GATAD2A: variants seen among roughly 807,000 people sequenced by gnomAD.
The protein encoded by GATAD2A is GATA zinc finger domain containing 2A.
A neutral mutation model predicts 68.5 loss-of-function variants in GATAD2A; 12 were observed. That is an observed-to-expected ratio of 0.18 (90% confidence interval 0.11 to 0.28). The LOEUF (loss-of-function observed/expected upper bound fraction) is 0.28, where lower values mean the gene tolerates loss of function less well. Ranked by LOEUF, GATAD2A falls within the 10% of genes least tolerant of loss-of-function variation. The pLI is 1.00. For missense variants in GATAD2A, 755 were observed against 868.5 expected (o/e 0.87, Z 1.64); for synonymous variants, 410 against 375.3 (o/e 1.09, Z -1.07).
chr19:19,434,460 CT>C (rs1279258388), intron 1 of GATAD2A, among the ~76,000 whole-genome samples: 1 of 152,184 alleles, frequency 6.6e-6, no homozygotes, highest in African/African-American at 2.4e-5. Context: ...GTGTTGTCCC[CT>C]ATCCTTATTT....
At chr19:19,455,305 C>A (rs1007359682) in intron 1 of GATAD2A, among the ~76,000 whole-genome samples, 3 of 151,992 alleles carry the variant, frequency 2.0e-5, no homozygotes, top group African/African-American at 7.3e-5. Context: ...GCCTGGGCAA[C>A]ACAGTGAAAC....
intron 2 of GATAD2A, among the ~76,000 whole-genome samples, chr19:19,471,017 A>G (rs2058264557): frequency 6.6e-6 from 1 of 152,178 alleles, no homozygotes; most frequent in South Asian, 2.1e-4. Context: ...GCACATTGGG[A>G]GGCCGAGGCA....
At chr19:19,442,759 A>AC (rs1400930725) in intron 1 of GATAD2A, among the ~76,000 whole-genome samples, 7 of 136,210 alleles carry the variant, frequency 5.1e-5, no homozygotes, top group East Asian at 4.2e-4. Context: ...ATGTAGCAGG[A>AC]CCCCCCAAGC....
In GATAD2A at chr19:19,494,300, G is replaced by A; in HGVS notation, c.541G>A (p.Gly181Ser). 6.2e-7 allele frequency: 1 copy of A among 1,605,912 alleles called. No homozygotes were observed. Among genetic ancestry groups the A allele is most frequent in the Non-Finnish European group, 8.5e-7 (1 of 1,172,848 alleles). ...QKEATAQKPT[G>S]SVGSTVTTPP... ...GTGTCCTGCTCTCTTGCAGCCCACA[G>A]GTTCTGTTGGGAGCACCGTGACCAC... The change falls in exon 5 of 12, where the codon GGT becomes AGT. Residue 181 changes from glycine (G) to serine (S), a missense_variant. Coordinates refer to ENST00000683918, the MANE Select transcript of GATAD2A (RefSeq NM_001384528.1).
At chr19:19,474,094 C>A in intron 2 of GATAD2A, 2 of 985,162 alleles carry the variant, frequency 2.0e-6, no homozygotes. Flanking sequence ...TGTTCTGTGC[C>A]AAAATGGGGC....
chr19:19,462,534 C>T (rs972753522), intron 1 of GATAD2A, among the ~76,000 whole-genome samples: 2 of 152,252 alleles, frequency 1.3e-5, no homozygotes. Flanking sequence ...CAGTGCCGGG[C>T]CTGGGATTGG....
At chr19:19,496,816 G>A (rs2148445248) in intron 7 of GATAD2A, among the ~76,000 whole-genome samples, 1 of 152,334 alleles carries the variant, frequency 6.6e-6, no homozygotes. Context: ...AGGCGCCTTG[G>A]CTGACAGATA....
intron 1 of GATAD2A, among the ~76,000 whole-genome samples, chr19:19,433,623 A>G (rs995003750): frequency 6.6e-6 from 1 of 152,336 alleles, no homozygotes; most frequent in African/African-American, 2.4e-5. Context: ...ATTTTACACA[A>G]GTGAGGCTAT....
At chr19:19,429,943 C>T (rs1253882444) in intron 1 of GATAD2A, among the ~76,000 whole-genome samples, 1 of 152,092 alleles carries the variant, frequency 6.6e-6, no homozygotes, top group Non-Finnish European at 1.5e-5. Context: ...CCGACCTGAA[C>T]ACCTCCTCAA....
intron 10 of GATAD2A, 73 bp downstream of exon 10, chr19:19,502,116 C>T (rs1008448294): frequency 4.5e-6 from 5 of 1,112,050 alleles, no homozygotes; most frequent in African/African-American, 1.5e-5. Context: ...CGCCGACTGT[C>T]ACGCTGCCTC....
At chr19:19,503,839 T>C (rs1023981059) in intron 11 of GATAD2A, among the ~76,000 whole-genome samples, 1 of 152,166 alleles carries the variant, frequency 6.6e-6, no homozygotes, top group African/African-American at 2.4e-5. Flanking sequence ...GTGCTGCCCT[T>C]GCACACAGGG....
chr19:19,482,856 C>T (rs1355002630), intron 2 of GATAD2A, among the ~76,000 whole-genome samples: 1 of 152,180 alleles, frequency 6.6e-6, no homozygotes, highest in Non-Finnish European at 1.5e-5. Flanking sequence ...GTGTCAGCTG[C>T]TGACAAGATT....
At chr19:19,419,401 C>G (rs78150994) in intron 1 of GATAD2A, among the ~76,000 whole-genome samples, 3,550 of 152,200 alleles carry the variant, frequency 0.023, 67 homozygotes, top group Non-Finnish European at 0.034. Flanking sequence ...GTTTCCATGC[C>G]TTCTACAGCT....
chr19:19,471,771 G>C (rs1343583774), intron 2 of GATAD2A, among the ~76,000 whole-genome samples: 1 of 152,172 alleles, frequency 6.6e-6, no homozygotes, highest in African/African-American at 2.4e-5. Context: ...AACAAAACCC[G>C]CAGAGGTAGA....
At chr19:19,459,057 T>C (rs1000438683) in intron 1 of GATAD2A, among the ~76,000 whole-genome samples, 8 of 152,166 alleles carry the variant, frequency 5.3e-5, no homozygotes, top group Non-Finnish European at 1.5e-5. Flanking sequence ...GCTCCTGCCT[T>C]GGTCTCCTGA....
At position 19,508,660 on chromosome 19, in the gene GATAD2A, T is replaced by C. The variant is rs1350209747; in HGVS notation, c.*3186T>C. On this transcript the variant is annotated 3_prime_UTR_variant, in exon 12 of 12. Coordinates refer to ENST00000683918, the MANE Select transcript of GATAD2A (RefSeq NM_001384528.1). Reference sequence around the variant, plus strand: ...ACCTAAAGAACTTGGACTGAGCTTTTAAAAAAGGACAGCAAACAATTTTAT... The same window carrying C: ...ACCTAAAGAACTTGGACTGAGCTTTCAAAAAAGGACAGCAAACAATTTTAT... The C allele has an allele frequency of 6.6e-6, 1 of 152,218 alleles. No individual in the cohort carries two copies. The highest frequency in any genetic ancestry group is 2.4e-5 in the African/African-American group (1 of 41,450). 9.4% of individuals were successfully genotyped at this position (152,218 alleles called of 1,614,324 possible).
chr19:19,478,094 A>C (rs563135745), intron 2 of GATAD2A, among the ~76,000 whole-genome samples: 1 of 152,264 alleles, frequency 6.6e-6, no homozygotes, highest in Non-Finnish European at 1.5e-5. Flanking sequence ...TCACTTTTCA[A>C]AATACAACTT....
intron 2 of GATAD2A, among the ~76,000 whole-genome samples, chr19:19,468,258 G>A (rs1361856233): frequency 2.6e-5 from 4 of 152,240 alleles, no homozygotes; most frequent in Non-Finnish European, 5.9e-5. Flanking sequence ...CAGCTTCGCT[G>A]TGTGGGTGAA....
chr19:19,420,181 T>TTTG (rs1233992068), intron 1 of GATAD2A, among the ~76,000 whole-genome samples: 2 of 143,270 alleles, frequency 1.4e-5, no homozygotes, highest in Non-Finnish European at 3.1e-5. Context: ...CAGCTAGTTT[T>TTTG]TTTTTTTTTT....
Sources: gnomAD v4.1 joint callset for allele counts (sites outside exome capture counted in the v4.1 genomes callset) on GRCh38, gnomAD v4.1.1 for gene constraint, MANE v1.5 for transcripts, NCBI Gene and HGNC (gene_info 2026-07-23, HGNC 2026-07-21) for gene names.